IFT56: variants seen among roughly 807,000 people sequenced by gnomAD.
IFT56 encodes the protein intraflagellar transport 56, also known as intraflagellar transport protein 56.
chr7:139,172,485 G>A, the IFT56 span: 4 of 419,780 alleles, frequency 9.5e-6, no homozygotes, highest in African/African-American at 4.1e-5. Flanking sequence ...CTAGATAGAG[G>A]AGTTGTTCTT....
chr7:139,189,205 C>CTT, the IFT56 span: 1 of 689,360 alleles, frequency 1.5e-6, no homozygotes, highest in Non-Finnish European at 2.5e-6. Context: ...GTGAAAGAGT[C>CTT]TATTACCAAA....
At chr7:139,183,737 T>C in the IFT56 span, among the ~76,000 whole-genome samples, 1 of 151,718 alleles carries the variant, frequency 6.6e-6, no homozygotes, top group Non-Finnish European at 1.5e-5. Flanking sequence ...ACTTACCATA[T>C]GACCCAGCAA....
At chr7:139,157,383 G>T in the IFT56 span, among the ~76,000 whole-genome samples, 1 of 151,678 alleles carries the variant, frequency 6.6e-6, no homozygotes, top group African/African-American at 2.4e-5. Flanking sequence ...CTGACCTCAG[G>T]TGATCCACCT....
At chr7:139,165,117 T>A in the IFT56 span, 62 of 1,600,184 alleles carry the variant, frequency 3.9e-5, no homozygotes, top group Non-Finnish European at 4.8e-5. Flanking sequence ...AATAGCATGA[T>A]TTCTGTATCT....
At chr7:139,179,699 C>A in the IFT56 span, 1 of 1,410,384 alleles carries the variant, frequency 7.1e-7, no homozygotes, top group Non-Finnish European at 9.9e-7. Context: ...TTTTTGGTTG[C>A]ATAATCTGTT....
chr7:139,179,131 A>G, the IFT56 span, among the ~76,000 whole-genome samples: 4 of 152,212 alleles, frequency 2.6e-5, no homozygotes, highest in African/African-American at 9.6e-5. Context: ...TATAATCCCA[A>G]CATTTCAGAA....
chr7:139,185,032 T>C, the IFT56 span, among the ~76,000 whole-genome samples: 63 of 136,730 alleles, frequency 4.6e-4, no homozygotes, highest in Non-Finnish European at 7.9e-4. Context: ...CCAGCCTGGG[T>C]AACAGGGCGA....
chr7:139,170,155 A>C, the IFT56 span, among the ~76,000 whole-genome samples: 3 of 152,230 alleles, frequency 2.0e-5, no homozygotes, highest in Non-Finnish European at 2.9e-5. Context: ...ACCAAGATTG[A>C]ACCATGAAGA....
the IFT56 span, among the ~76,000 whole-genome samples, chr7:139,159,532 G>C: frequency 1.3e-5 from 2 of 152,220 alleles, no homozygotes; most frequent in South Asian, 2.1e-4. Flanking sequence ...ATTGTGGGAA[G>C]GGTCTTTCAC....
chr7:139,147,650 G>A, the IFT56 span, among the ~76,000 whole-genome samples: 5 of 152,028 alleles, frequency 3.3e-5, no homozygotes, highest in South Asian at 1.0e-3. Context: ...TCCCCTTTGG[G>A]GGTAATACTG....
chr7:139,187,336 T>C, the IFT56 span: 1 of 1,562,082 alleles, frequency 6.4e-7, no homozygotes, highest in East Asian at 2.3e-5. Context: ...TTTCATGTTA[T>C]CTTTATGTTC....
At chr7:139,157,968 G>A in the IFT56 span, among the ~76,000 whole-genome samples, 39 of 152,038 alleles carry the variant, frequency 2.6e-4, no homozygotes, top group African/African-American at 8.5e-4. Context: ...ACAGTGGGGG[G>A]TGTGGTGGTG....
At chr7:139,145,901 A>C in the IFT56 span, among the ~76,000 whole-genome samples, 1 of 152,174 alleles carries the variant, frequency 6.6e-6, no homozygotes, top group Non-Finnish European at 1.5e-5. Flanking sequence ...TACTTTTAGA[A>C]AATAGCAAAT....
chr7:139,161,510 T>C, the IFT56 span, among the ~76,000 whole-genome samples: 3,433 of 152,294 alleles, frequency 0.023, 98 homozygotes, highest in African/African-American at 0.076. Flanking sequence ...TAGGGCTAGA[T>C]TATGATTCTA....
the IFT56 span, among the ~76,000 whole-genome samples, chr7:139,176,177 T>C: frequency 6.6e-6 from 1 of 152,110 alleles, no homozygotes; most frequent in Non-Finnish European, 1.5e-5. Flanking sequence ...TAATTTATTA[T>C]ATATTTCAAA....
At chr7:139,139,311 G>C in the IFT56 span, among the ~76,000 whole-genome samples, 1 of 152,174 alleles carries the variant, frequency 6.6e-6, no homozygotes, top group African/African-American at 2.4e-5. Flanking sequence ...TAGGAGGATA[G>C]AAAGAACAAC....
chr7:139,183,680 A>T, the IFT56 span, among the ~76,000 whole-genome samples: 1 of 151,998 alleles, frequency 6.6e-6, no homozygotes, highest in South Asian at 2.1e-4. Context: ...AAGGATAAAA[A>T]AAAAAAACCA....
the IFT56 span, chr7:139,139,970 G>A: frequency 6.2e-7 from 1 of 1,611,974 alleles, no homozygotes; most frequent in East Asian, 2.2e-5. Context: ...TCTTTCTTGG[G>A]ATGTATAAAC....
the IFT56 span, chr7:139,147,416 T>A: frequency 1.3e-6 from 1 of 796,960 alleles, no homozygotes; most frequent in African/African-American, 1.7e-5. Context: ...TAGTTGATAA[T>A]TTGGTGAGAT....
Sources: gnomAD v4.1 joint callset for allele counts (sites outside exome capture counted in the v4.1 genomes callset) on GRCh38, gnomAD v4.1.1 for gene constraint, MANE v1.5 for transcripts, NCBI Gene and HGNC (gene_info 2026-07-23, HGNC 2026-07-21) for gene names.